Variants in SPPL2A observed in about 807,000 individuals in gnomAD.
SPPL2A encodes signal peptide peptidase-like 2A.
In SPPL2A, 51 loss-of-function variants were observed where a neutral mutation model predicts 63.8. The ratio of observed to expected loss-of-function variants is 0.80; its 90% CI spans 0.64 to 1.01. SPPL2A has a LOEUF of 1.01. Among genes scored for constraint, SPPL2A ranks in the 50% least tolerant of loss-of-function variants. The pLI is 0.00. For synonymous variants in SPPL2A, 188 were observed against 205.8 expected, an observed-to-expected ratio of 0.91 and a Z score of 0.74; for missense variants, 553 against 622.7, an observed-to-expected ratio of 0.89 and a Z score of 1.19.
chr15:50,739,839 A>G lies in SPPL2A; in HGVS notation c.585-11T>C, dbSNP rs1195363812. On this transcript the variant is annotated splice_polypyrimidine_tract_variant and intron_variant, in intron 5 of 14. Coordinates refer to ENST00000261854, the MANE Select transcript of SPPL2A (RefSeq NM_032802.4). ...GCTTTCAAGTTTTCCCTGTACAAAC[A>G]CACAGGAACTTTAGCAAATCTTAGC... 1 of 1,574,270 alleles carries G rather than the reference A, an allele frequency of 6.4e-7. No homozygotes were observed. The highest frequency in any genetic ancestry group is 8.6e-7 in the Non-Finnish European group (1 of 1,167,814).
At chr15:50,762,769 G>A (rs2063023490) in intron 1 of SPPL2A, among the ~76,000 whole-genome samples, 1 of 141,582 alleles carries the variant, frequency 7.1e-6, no homozygotes, top group Admixed American at 7.5e-5. Flanking sequence ...GTCTCGCTCT[G>A]TCACACAGGC....
intron 5 of SPPL2A, among the ~76,000 whole-genome samples, chr15:50,745,074 C>A (rs2062848102): frequency 6.6e-6 from 1 of 152,214 alleles, no homozygotes; most frequent in Middle Eastern, 3.4e-3. Flanking sequence ...GCAAACAATG[C>A]AGTTTGTGGC....
intron 8 of SPPL2A, 70 bp downstream of exon 8, chr15:50,736,028 CATA>C (rs2062768609): frequency 2.1e-6 from 2 of 952,986 alleles, no homozygotes; most frequent in Admixed American, 2.1e-5. Flanking sequence ...CCATAATAAT[CATA>C]ATAAGTATCA....
intron 5 of SPPL2A, among the ~76,000 whole-genome samples, chr15:50,741,949 C>T (rs2062824810): frequency 6.7e-6 from 1 of 149,962 alleles, no homozygotes; most frequent in African/African-American, 2.5e-5. Flanking sequence ...GCCTGGGTGA[C>T]AGTGAGACTC....
Position 50,706,192 on chromosome 15 carries a change from C to G in SPPL2A, c.*1608G>C, listed in dbSNP as rs1293406529. 2.0e-5 allele frequency: 3 copies of G among 151,458 alleles called. No individual in the cohort carries two copies. Among genetic ancestry groups the G allele is most frequent in the Non-Finnish European group, 4.4e-5 (3 of 67,874 alleles). 9.4% of individuals were successfully genotyped at this position (151,458 alleles called of 1,614,324 possible). A position where few individuals can be genotyped will look rare whatever the true frequency, so the allele number is the denominator to read the frequency against. On this transcript the variant is annotated 3_prime_UTR_variant, in exon 15 of 15. Coordinates refer to ENST00000261854, the MANE Select transcript of SPPL2A (RefSeq NM_032802.4). ...GGATCACGAGGTCAGGAGATCGAGA[C>G]CATCCCGGCTAAAACGGTGAAACCC...
intron 14 of SPPL2A, among the ~76,000 whole-genome samples, chr15:50,718,907 G>C (rs1172287859): frequency 6.6e-6 from 1 of 151,892 alleles, no homozygotes; most frequent in Non-Finnish European, 1.5e-5. Context: ...CATGAGGGTG[G>C]ATGGAGGAGA....
intron 14 of SPPL2A, among the ~76,000 whole-genome samples, chr15:50,708,505 A>G (rs2062530228): frequency 6.6e-6 from 1 of 151,956 alleles, no homozygotes; most frequent in African/African-American, 2.4e-5. Flanking sequence ...CAGGAGTTCG[A>G]GACCAGCCTG....
chr15:50,732,491 T>C, intron 9 of SPPL2A, 112 bp downstream of exon 9: 1 of 628,070 alleles, frequency 1.6e-6, no homozygotes, highest in South Asian at 2.1e-5. Flanking sequence ...CATAAAATTT[T>C]CATAAACAGT....
chr15:50,760,252 T>C (rs1420093890), intron 1 of SPPL2A, among the ~76,000 whole-genome samples: 1 of 142,438 alleles, frequency 7.0e-6, no homozygotes, highest in Admixed American at 6.9e-5. Context: ...GAAAGCTCTC[T>C]GATGTCTTTT....
intron 12 of SPPL2A, among the ~76,000 whole-genome samples, chr15:50,723,389 A>G (rs1039244804): frequency 6.6e-6 from 1 of 152,226 alleles, no homozygotes. Flanking sequence ...CGCAATAGCC[A>G]AGATATGGAA....
intron 5 of SPPL2A, chr15:50,742,747 T>C (rs1191489471): frequency 6.6e-6 from 1 of 152,180 alleles, no homozygotes; most frequent in Non-Finnish European, 1.5e-5. Flanking sequence ...TTAAAATCCA[T>C]GATCCTGCAG....
At chr15:50,747,994 C>T (rs769271307) in intron 4 of SPPL2A, 119 bp downstream of exon 4, 5 of 492,184 alleles carry the variant, frequency 1.0e-5, no homozygotes, top group African/African-American at 8.1e-5. Context: ...ACTTGATAGG[C>T]CTTATAGCTT....
intron 10 of SPPL2A, among the ~76,000 whole-genome samples, chr15:50,729,945 G>A (rs2062717895): frequency 6.7e-6 from 1 of 149,930 alleles, no homozygotes; most frequent in Non-Finnish European, 1.5e-5. Context: ...GTTTGAGGCT[G>A]CAGTGAACTA....
In SPPL2A at chr15:50,718,213, G is replaced by A. The variant is rs184402612; in HGVS notation, c.1488+1727C>T. ...AGGATGGTCTCGATCTCCTGACCTC[G>A]TGATCCTCCCGCCTCAGCCTCCCAA... On this transcript the variant is annotated intron_variant, in intron 14 of 14. Transcript: ENST00000261854. Among the ~76,000 whole-genome samples the A allele has an allele frequency of 7.2e-5, 11 of 151,914 alleles. No individual in the cohort carries two copies. In the East Asian group the frequency reaches 1.6e-3, roughly 21 times the overall value.
intron 1 of SPPL2A, among the ~76,000 whole-genome samples, chr15:50,761,360 C>T (rs1316168338): frequency 6.6e-6 from 1 of 152,070 alleles, no homozygotes; most frequent in African/African-American, 2.4e-5. Flanking sequence ...CTCACACCTG[C>T]AACCCCACAC....
chr15:50,717,740 C>T (rs1044054932), intron 14 of SPPL2A, among the ~76,000 whole-genome samples: 2 of 152,020 alleles, frequency 1.3e-5, no homozygotes, highest in Non-Finnish European at 2.9e-5. Flanking sequence ...CTCTGAGCCT[C>T]GGAAGACATG....
chr15:50,719,634 G>T (rs1016363604), intron 14 of SPPL2A, among the ~76,000 whole-genome samples: 2 of 151,930 alleles, frequency 1.3e-5, no homozygotes, highest in Non-Finnish European at 2.9e-5. Context: ...TTTAAACAAC[G>T]AATTTTATCT....
chr15:50,761,352 C>A (rs985960733), intron 1 of SPPL2A, among the ~76,000 whole-genome samples: 1 of 152,168 alleles, frequency 6.6e-6, no homozygotes, highest in African/African-American at 2.4e-5. Flanking sequence ...CACGGTGGCT[C>A]ACACCTGCAA....
chr15:50,750,668 T>C (rs770879195), intron 1 of SPPL2A, among the ~76,000 whole-genome samples: 6 of 152,178 alleles, frequency 3.9e-5, no homozygotes, highest in Admixed American at 2.0e-4. Flanking sequence ...TAAGAAGTGA[T>C]TGGAAAGAAT....
Sources: gnomAD v4.1 joint callset for allele counts (sites outside exome capture counted in the v4.1 genomes callset) on GRCh38, gnomAD v4.1.1 for gene constraint, MANE v1.5 for transcripts, NCBI Gene and HGNC (gene_info 2026-07-23, HGNC 2026-07-21) for gene names.